YWHAG: variants seen among roughly 807,000 people sequenced by gnomAD.
YWHAG encodes the protein tyrosine 3-monooxygenase/tryptophan 5-monooxygenase activation protein gamma.
YWHAG carries 1 observed loss-of-function variant against 23.3 expected under a neutral mutation model. The observed-to-expected ratio is 0.04, with a 90% CI of 0.02 to 0.20. The LOEUF (loss-of-function observed/expected upper bound fraction) is 0.20. Ranked by LOEUF, YWHAG falls within the 10% of genes least tolerant of loss-of-function variation. The pLI is 1.00. For synonymous variants in YWHAG, 160 were observed against 144.0 expected (o/e 1.11, Z -0.80); for missense variants, 151 against 338.6 (o/e 0.45, Z 4.35).
chr7:76,329,040 T>C lies in YWHAG; in HGVS notation c.*537A>G, dbSNP rs777215284. On this transcript the variant is annotated 3_prime_UTR_variant, in exon 2 of 2. Coordinates refer to ENST00000307630, the MANE Select transcript of YWHAG (RefSeq NM_012479.4). The surrounding 1 kb of genome is among the most constrained non-coding windows in gnomAD (Gnocchi z 6.1). Reference sequence around the variant, plus strand: ...CAACTAATCAGAGACTTCGGAAAACTGGCAAGGCCTAAACCATAAGGATGA... The same window carrying C: ...CAACTAATCAGAGACTTCGGAAAACCGGCAAGGCCTAAACCATAAGGATGA... 6.5e-6 allele frequency: 1 copy of C among 153,450 alleles called. No individual in the cohort carries two copies. Among genetic ancestry groups the C allele is most frequent in the Non-Finnish European group, 1.5e-5 (1 of 68,700 alleles). 9.5% of individuals were successfully genotyped at this position (153,450 alleles called of 1,614,324 possible).
intron 1 of YWHAG, among the ~76,000 whole-genome samples, chr7:76,344,217 G>A (rs1803742888): frequency 6.6e-6 from 1 of 151,974 alleles, no homozygotes; most frequent in Admixed American, 6.6e-5. Context: ...TCCAAGAGAT[G>A]CTCCCACCTC....
intron 1 of YWHAG, among the ~76,000 whole-genome samples, chr7:76,340,211 C>T (rs1210276886): frequency 6.6e-6 from 1 of 152,218 alleles, no homozygotes; most frequent in Non-Finnish European, 1.5e-5. Context: ...TGGATCAGCC[C>T]CGTTTCACTA....
chr7:76,331,308 A>AGAGG (rs1369499840), intron 1 of YWHAG, among the ~76,000 whole-genome samples: 4 of 64,222 alleles, frequency 6.2e-5, no homozygotes, highest in Non-Finnish European at 1.1e-4. Flanking sequence ...GAGAGGAGAG[A>AGAGG]AGAAAAGTGG....
rs1803501905 is a variant in YWHAG at position 76,329,175 on chromosome 7, C to CA, written c.*401dup. On this transcript the variant is annotated 3_prime_UTR_variant, in exon 2 of 2. Transcript: ENST00000307630. The surrounding 1 kb of genome is among the most constrained non-coding windows in gnomAD (Gnocchi z 6.1). ...CGAGACAGATGAGATAGAAAGTACC[C>CA]AAAACGAGAGACGAGAGCGTATGTA... is the stretch of plus-strand genomic sequence containing the variant. 1 of 182,928 alleles carries CA rather than the reference C, an allele frequency of 5.5e-6. No homozygotes were observed. Among genetic ancestry groups the CA allele is most frequent in the Admixed American group, 5.6e-5 (1 of 17,904 alleles). The allele number at this position is 182,928 out of a possible 1,614,324, so 11.3% of individuals were successfully genotyped here.
At chr7:76,349,454 C>G (rs1374569088) in intron 1 of YWHAG, among the ~76,000 whole-genome samples, 2 of 150,668 alleles carry the variant, frequency 1.3e-5, no homozygotes, top group South Asian at 2.1e-4. Flanking sequence ...GACACACACA[C>G]ACACACACAC....
At chr7:76,352,695 G>A (rs1445348347) in intron 1 of YWHAG, among the ~76,000 whole-genome samples, 2 of 151,590 alleles carry the variant, frequency 1.3e-5, no homozygotes, top group Non-Finnish European at 2.9e-5. Context: ...TGTCACCCAG[G>A]CTGGAGTGCA....
At chr7:76,344,908 C>A (rs1220088590) in intron 1 of YWHAG, among the ~76,000 whole-genome samples, 1 of 152,178 alleles carries the variant, frequency 6.6e-6, no homozygotes, top group African/African-American at 2.4e-5. Context: ...AGGCTTTAGT[C>A]CTTCCCTGCA....
intron 1 of YWHAG, among the ~76,000 whole-genome samples, chr7:76,336,451 CTTTTTTTT>C (rs35137930): frequency 8.6e-6 from 1 of 116,712 alleles, no homozygotes; most frequent in East Asian, 2.6e-4. Context: ...GAAAGTCTGG[CTTTTTTTT>C]TTTTTTTTTT....
intron 1 of YWHAG, among the ~76,000 whole-genome samples, chr7:76,345,185 C>CT (rs944242945): frequency 0.064 from 8,465 of 132,208 alleles, 445 homozygotes; most frequent in East Asian, 0.16. Flanking sequence ...TATCCTAAGG[C>CT]TTTTTTTTTT....
intron 1 of YWHAG, among the ~76,000 whole-genome samples, chr7:76,331,531 C>T (rs892445198): frequency 6.6e-6 from 1 of 151,780 alleles, no homozygotes; most frequent in African/African-American, 2.4e-5. Flanking sequence ...TATTAAAACA[C>T]TGAGAATTCT....
chr7:76,336,967 T>C (rs1213444503), intron 1 of YWHAG, among the ~76,000 whole-genome samples: 4 of 152,220 alleles, frequency 2.6e-5, no homozygotes, highest in Non-Finnish European at 4.4e-5. Flanking sequence ...GGATACACCA[T>C]GCAGACAGTG....
intron 1 of YWHAG, among the ~76,000 whole-genome samples, chr7:76,357,873 C>G (rs1338627143): frequency 2.0e-5 from 3 of 152,136 alleles, no homozygotes; most frequent in Non-Finnish European, 4.4e-5. Context: ...TTTCAACAGA[C>G]GCGTGCCTGT....
intron 1 of YWHAG, among the ~76,000 whole-genome samples, chr7:76,357,151 TG>T (rs1457568880): frequency 2.0e-5 from 3 of 150,718 alleles, no homozygotes; most frequent in Non-Finnish European, 4.4e-5. Flanking sequence ...ATTAAAACCT[TG>T]TAAGACAGCA....
At chr7:76,343,161 T>TACCA (rs1563665669) in intron 1 of YWHAG, among the ~76,000 whole-genome samples, 85 of 152,064 alleles carry the variant, frequency 5.6e-4, no homozygotes, top group Admixed American at 4.8e-3. Flanking sequence ...GGTTGTTATG[T>TACCA]GTAAAAGCTG....
chr7:76,334,628 C>A (rs567073465), intron 1 of YWHAG, among the ~76,000 whole-genome samples: 1 of 152,048 alleles, frequency 6.6e-6, no homozygotes, highest in East Asian at 1.9e-4. Flanking sequence ...GTTGTCCAGG[C>A]TGGTTTCGAA....
chr7:76,350,960 G>A (rs1803863677), intron 1 of YWHAG, among the ~76,000 whole-genome samples: 1 of 151,958 alleles, frequency 6.6e-6, no homozygotes, highest in Non-Finnish European at 1.5e-5. Context: ...TGAATACTAA[G>A]CAAAAAAATA....
At chr7:76,358,111 T>G (rs1803987844) in intron 1 of YWHAG, among the ~76,000 whole-genome samples, 2 of 152,188 alleles carry the variant, frequency 1.3e-5, no homozygotes, top group Admixed American at 1.3e-4. Context: ...GAGCCTTTTG[T>G]TAAGAAAAAC....
At chr7:76,349,418 TACACACACACAC>T (rs35880008) in intron 1 of YWHAG, among the ~76,000 whole-genome samples, 2 of 147,048 alleles carry the variant, frequency 1.4e-5, no homozygotes, top group African/African-American at 5.0e-5. Flanking sequence ...CATTTATTAA[TACACACACACAC>T]ACACACACAC....
chr7:76,358,524 C>T (rs1355711757), intron 1 of YWHAG, among the ~76,000 whole-genome samples, 198 bp downstream of exon 1: 1 of 152,188 alleles, frequency 6.6e-6, no homozygotes, highest in Non-Finnish European at 1.5e-5. Context: ...GCCGCGGGGC[C>T]ACGGGGACTC....
Sources: allele counts gnomAD v4.1 joint callset (sites outside exome capture counted in the v4.1 genomes callset), GRCh38; gene constraint gnomAD v4.1.1; non-coding constraint Gnocchi (gnomAD v3.1); transcripts MANE v1.5; gene names NCBI Gene and HGNC (gene_info 2026-07-23, HGNC 2026-07-21).